PLCG2: variants seen among roughly 807,000 people sequenced by gnomAD.
PLCG2 encodes the protein phospholipase C gamma 2.
A neutral mutation model predicts 175.6 loss-of-function variants in PLCG2; 69 were observed. The ratio of observed to expected loss-of-function variants is 0.39; its 90% CI spans 0.32 to 0.48. The LOEUF is 0.48. PLCG2 is among the 20% of genes least tolerant of loss of function. PLCG2 has a pLI of 0.91. For missense variants in PLCG2, 1,798 were observed against 1,650.9 expected (o/e 1.09, Z -1.54); for synonymous variants, 827 against 624.0 (o/e 1.33, Z -4.85).
chr16:81,921,391 A>T (rs1353922124), intron 21 of PLCG2, 122 bp downstream of exon 21: 10 of 622,268 alleles, frequency 1.6e-5, no homozygotes, highest in African/African-American at 5.7e-5. Context: ...GGCCAAAATA[A>T]TTTTTTTTTT....
At chr16:81,899,345 C>A (rs564110526) in intron 13 of PLCG2, among the ~76,000 whole-genome samples, 1 of 150,404 alleles carries the variant, frequency 6.6e-6, no homozygotes, top group Admixed American at 6.6e-5. Context: ...TATGTATATA[C>A]ATGTACTAAT....
chr16:81,786,361 G>A (rs1910971404), intron 2 of PLCG2, among the ~76,000 whole-genome samples, 179 bp downstream of exon 2: 1 of 142,438 alleles, frequency 7.0e-6, no homozygotes, highest in African/African-American at 2.6e-5. Context: ...TACACCAGGT[G>A]GAGGAAGTTC....
chr16:81,893,852 G>T (rs916920774), intron 12 of PLCG2, 58 bp downstream of exon 12: 10 of 1,061,278 alleles, frequency 9.4e-6, no homozygotes, highest in Non-Finnish European at 1.5e-5. Context: ...ATAACCATGT[G>T]GTTGCTCCAT....
At position 81,853,179 on chromosome 16, in the gene PLCG2, A is replaced by C. The variant is rs546229583; in HGVS notation, c.194-1265A>C. Among the ~76,000 whole-genome samples, 511 of 152,150 alleles carry C rather than the reference A, an allele frequency of 3.4e-3. 1 individual carries two copies. The highest frequency in any genetic ancestry group is 5.7e-3 in the Non-Finnish European group (386 of 67,990). ...AACCCCATCTCTACTAAAAATACAA[A>C]AACTAGCCGGGCATGGTGGCACATG... On this transcript the variant is annotated intron_variant, in intron 2 of 32. Coordinates refer to ENST00000564138, the MANE Select transcript of PLCG2 (RefSeq NM_002661.5).
chr16:81,812,329 G>A (rs193206156), intron 2 of PLCG2, among the ~76,000 whole-genome samples: 2 of 152,116 alleles, frequency 1.3e-5, no homozygotes, highest in South Asian at 4.1e-4. Context: ...GATTACAGGC[G>A]TGAGCCACCG....
intron 2 of PLCG2, among the ~76,000 whole-genome samples, chr16:81,818,344 T>C (rs1384534453): frequency 6.6e-6 from 1 of 152,208 alleles, no homozygotes; most frequent in African/African-American, 2.4e-5. Context: ...TGGTTATTTA[T>C]ATTTATGTGG....
intron 2 of PLCG2, among the ~76,000 whole-genome samples, chr16:81,852,281 G>A (rs1331735971): frequency 6.6e-6 from 1 of 152,168 alleles, no homozygotes; most frequent in Non-Finnish European, 1.5e-5. Context: ...TGATGGTGCA[G>A]CTGGGCCATG....
chr16:81,837,855 C>G lies in PLCG2; in HGVS notation c.194-16589C>G, dbSNP rs553605532. Among the ~76,000 whole-genome samples, 8 of 152,208 alleles carry G rather than the reference C, an allele frequency of 5.3e-5. 1 individual carries two copies. Among genetic ancestry groups the G allele is most frequent in the Admixed American group, 4.6e-4 (7 of 15,302 alleles). ...ATCTTGCAAACCTGTAGTGCAGTAT[C>G]ACAGCCAGGATATTAACATTCACAA... is the stretch of plus-strand genomic sequence containing the variant. On this transcript the variant is annotated intron_variant, in intron 2 of 32. Transcript: ENST00000564138.
intron 1 of PLCG2, among the ~76,000 whole-genome samples, chr16:81,747,093 T>A (rs1395387423): frequency 6.6e-6 from 1 of 152,184 alleles, no homozygotes; most frequent in Non-Finnish European, 1.5e-5. Context: ...GTACTAGCGA[T>A]AGTATTAATG....
intron 2 of PLCG2, among the ~76,000 whole-genome samples, chr16:81,840,969 C>T (rs923470897): frequency 1.3e-5 from 2 of 152,154 alleles, no homozygotes; most frequent in Non-Finnish European, 2.9e-5. Flanking sequence ...CACCAGTTTC[C>T]CCAGTATCAC....
chr16:81,879,372 C>T (rs990174019), intron 7 of PLCG2, among the ~76,000 whole-genome samples: 5 of 152,216 alleles, frequency 3.3e-5, no homozygotes, highest in Non-Finnish European at 7.3e-5. Context: ...GTAAATTACA[C>T]ATCAACGAAA....
intron 2 of PLCG2, among the ~76,000 whole-genome samples, chr16:81,803,394 C>T (rs1911830961): frequency 6.6e-6 from 1 of 152,046 alleles, no homozygotes; most frequent in African/African-American, 2.4e-5. Flanking sequence ...ATTATCAACA[C>T]TTCATTCCTT....
At chr16:81,822,596 A>G (rs894500538) in intron 2 of PLCG2, among the ~76,000 whole-genome samples, 2 of 151,974 alleles carry the variant, frequency 1.3e-5, no homozygotes, top group African/African-American at 4.8e-5. Flanking sequence ...GTCTCCACTA[A>G]AAGTGCAAAA....
intron 5 of PLCG2, among the ~76,000 whole-genome samples, chr16:81,868,392 G>A (rs1369660923): frequency 2.0e-5 from 3 of 152,088 alleles, no homozygotes; most frequent in Non-Finnish European, 4.4e-5. Context: ...ATTTTTGGGG[G>A]TGCAGGGGGT....
At chr16:81,914,531 T>C (rs4889439) in intron 19 of PLCG2, among the ~76,000 whole-genome samples, 152,238 of 152,294 alleles carry the variant, frequency 1, 76,091 homozygotes, top group Non-Finnish European at 1. Context: ...GTTTGTGAGC[T>C]TGTCTTCCCC....
At chr16:81,882,201 C>T (rs1472078162) in intron 8 of PLCG2, among the ~76,000 whole-genome samples, 2 of 152,196 alleles carry the variant, frequency 1.3e-5, no homozygotes, top group Non-Finnish European at 2.9e-5. Flanking sequence ...GAATGTACTC[C>T]CCATCCAACC....
rs75027813 is a variant in PLCG2 at position 81,745,988 on chromosome 16, G to C, written c.-145+6603G>C. On this transcript the variant is annotated intron_variant, in intron 1 of 5. Transcript: ENST00000565054. ...GTCCTTCCTTTTTCTTTAGAAGGGA[G>C]CAAGTGTGTAAAGGAGGAAGAACAA... is the stretch of plus-strand genomic sequence containing the variant. Among the ~76,000 whole-genome samples the C allele has an allele frequency of 3.8e-3, 579 of 152,334 alleles. 3 individuals carry two copies. The highest frequency in any genetic ancestry group is 0.013 in the African/African-American group (551 of 41,562).
rs185958507 is a variant in PLCG2, at chr16:81,957,576, T to C, written c.3756-380T>C. ...GATGCTTGTGGTTGTGCTACAGGCA[T>C]GTAATGGGGTGCGGGGCGGCCGGGG... On this transcript the variant is annotated intron_variant, in intron 32 of 32. Coordinates refer to ENST00000564138, the MANE Select transcript of PLCG2 (RefSeq NM_002661.5). Among the ~76,000 whole-genome samples, 642 of 152,226 alleles carry C rather than the reference T, an allele frequency of 4.2e-3. 6 individuals carry two copies. The highest frequency in any genetic ancestry group is 0.015 in the African/African-American group (625 of 41,536).
chr16:81,746,555 A>T (rs941607695), intron 1 of PLCG2, among the ~76,000 whole-genome samples: 1 of 152,160 alleles, frequency 6.6e-6, no homozygotes, highest in Admixed American at 6.5e-5. Context: ...CAACTTTTGG[A>T]TTTTGAATTT....
Sources: gnomAD v4.1 joint callset for allele counts (sites outside exome capture counted in the v4.1 genomes callset) on GRCh38, gnomAD v4.1.1 for gene constraint, MANE v1.5 for transcripts, NCBI Gene and HGNC (gene_info 2026-07-23, HGNC 2026-07-21) for gene names.